METTL15: variants seen among roughly 807,000 people sequenced by gnomAD.
METTL15 encodes methyltransferase 15, mitochondrial 12S rRNA N4-cytidine.
METTL15 carries 34 observed loss-of-function variants against 38.3 expected under a neutral mutation model. The observed-to-expected ratio is 0.89, with a 90% CI of 0.68 to 1.18. The LOEUF is 1.18. Ranked by LOEUF, METTL15 falls within the 50% of genes most tolerant of loss-of-function variation. The pLI is 0.00. For synonymous variants in METTL15, 162 were observed against 170.9 expected (o/e 0.95, Z 0.41); for missense variants, 438 against 498.4 (o/e 0.88, Z 1.15).
chr11:28,119,987 T>A (rs1322476230), intron 3 of METTL15, among the ~76,000 whole-genome samples: 1 of 152,212 alleles, frequency 6.6e-6, no homozygotes, highest in East Asian at 1.9e-4. Context: ...AGTCTCACTC[T>A]GTCGCCCAGG....
intron 4 of METTL15, among the ~76,000 whole-genome samples, chr11:28,255,062 A>G (rs1262508316): frequency 1.3e-5 from 2 of 152,114 alleles, no homozygotes; most frequent in African/African-American, 4.8e-5. Flanking sequence ...TGGGTACTGT[A>G]GGCATTTTAA....
At chr11:28,371,152 T>A (rs1477646954) in intron 5 of METTL15, among the ~76,000 whole-genome samples, 2 of 152,042 alleles carry the variant, frequency 1.3e-5, no homozygotes, top group African/African-American at 2.4e-5. Flanking sequence ...GTTTCCCCAA[T>A]GTTTTCTTCT....
At chr11:28,367,955 A>C (rs1310339380) in intron 5 of METTL15, among the ~76,000 whole-genome samples, 1 of 152,128 alleles carries the variant, frequency 6.6e-6, no homozygotes, top group Non-Finnish European at 1.5e-5. Context: ...AAGATGGATC[A>C]AAGACTTAAA....
chr11:28,453,688 T>C (rs919140483), intron 6 of METTL15, among the ~76,000 whole-genome samples: 3 of 152,220 alleles, frequency 2.0e-5, no homozygotes, highest in African/African-American at 7.2e-5. Flanking sequence ...ACAAGATGGC[T>C]TTTGGATCTC....
At chr11:28,522,308 T>C (rs1851771483) in intron 6 of METTL15, among the ~76,000 whole-genome samples, 1 of 152,212 alleles carries the variant, frequency 6.6e-6, no homozygotes, top group South Asian at 2.1e-4. Context: ...TTTGAAGGAA[T>C]TGATTGACAT....
chr11:28,140,108 T>C (rs1416225982), intron 3 of METTL15, among the ~76,000 whole-genome samples: 2 of 152,208 alleles, frequency 1.3e-5, no homozygotes, highest in Admixed American at 6.5e-5. Context: ...CTTGCCTTTC[T>C]GTTCCGAGCG....
At chr11:28,328,025 T>C (rs1228968867) in intron 6 of METTL15, 6 of 1,485,580 alleles carry the variant, frequency 4.0e-6, no homozygotes, top group South Asian at 1.3e-5. Flanking sequence ...GCAGTTCTTA[T>C]TGATTTATGT....
chr11:28,465,379 ATAT>A (rs1443108070), intron 6 of METTL15, among the ~76,000 whole-genome samples: 1 of 151,928 alleles, frequency 6.6e-6, no homozygotes, highest in Non-Finnish European at 1.5e-5. Flanking sequence ...TTCCTGAGCA[ATAT>A]TATTACCTTT....
intron 4 of METTL15, among the ~76,000 whole-genome samples, chr11:28,242,294 C>G (rs554576960): frequency 6.6e-5 from 10 of 152,254 alleles, no homozygotes; most frequent in South Asian, 4.1e-4. Flanking sequence ...CATCTCTACT[C>G]TGGAATATGA....
chr11:28,378,490 G>A (rs1256617361), intron 5 of METTL15, among the ~76,000 whole-genome samples: 3 of 152,216 alleles, frequency 2.0e-5, no homozygotes, highest in Non-Finnish European at 4.4e-5. Context: ...TCCCAAGTGA[G>A]GCAATGCCTC....
At chr11:28,320,785 C>T (rs1397735944) in intron 6 of METTL15, among the ~76,000 whole-genome samples, 3 of 152,032 alleles carry the variant, frequency 2.0e-5, no homozygotes, top group Non-Finnish European at 4.4e-5. Flanking sequence ...AATTTGGTCT[C>T]TTAAAATCCT....
At chr11:28,222,070 T>G (rs1853255930) in intron 4 of METTL15, among the ~76,000 whole-genome samples, 1 of 152,184 alleles carries the variant, frequency 6.6e-6, no homozygotes, top group South Asian at 2.1e-4. Context: ...ACCACTACTG[T>G]CTTCCAAGCT....
At chr11:28,509,800 T>C (rs1851659674) in intron 6 of METTL15, among the ~76,000 whole-genome samples, 1 of 152,342 alleles carries the variant, frequency 6.6e-6, no homozygotes, top group African/African-American at 2.4e-5. Flanking sequence ...GAGTGTGTTA[T>C]GGGGAGCTCA....
chr11:28,175,138 C>T (rs944665319), intron 3 of METTL15, among the ~76,000 whole-genome samples: 2 of 151,808 alleles, frequency 1.3e-5, no homozygotes, highest in Non-Finnish European at 2.9e-5. Flanking sequence ...TGATGTTCCC[C>T]TTCCTGTGTC....
chr11:28,335,229 AG>A (rs1260503726), downstream of METTL15, among the ~76,000 whole-genome samples: 1 of 152,154 alleles, frequency 6.6e-6, no homozygotes, highest in Non-Finnish European at 1.5e-5. Flanking sequence ...CACAAGGAAA[AG>A]TCTTATTATT....
intron 5 of METTL15, among the ~76,000 whole-genome samples, chr11:28,392,703 G>A (rs1041267898): frequency 6.6e-6 from 1 of 152,054 alleles, no homozygotes; most frequent in Non-Finnish European, 1.5e-5. Flanking sequence ...GGAAACAACA[G>A]AGTGAAAAGG....
chr11:28,262,537 A>G (rs1855250275), intron 4 of METTL15, among the ~76,000 whole-genome samples: 1 of 152,010 alleles, frequency 6.6e-6, no homozygotes, highest in African/African-American at 2.4e-5. Flanking sequence ...GCTAGGGTGA[A>G]AAAATATTGT....
chr11:28,380,468 G>T (rs1469537713), intron 5 of METTL15, among the ~76,000 whole-genome samples: 5 of 152,100 alleles, frequency 3.3e-5, no homozygotes, highest in Non-Finnish European at 2.9e-5. Flanking sequence ...AGTCAATTTA[G>T]ATTCATTGTT....
chr11:28,506,893 T>C (rs7944588), intron 6 of METTL15, among the ~76,000 whole-genome samples: 67,819 of 151,120 alleles, frequency 0.45, 15,710 homozygotes, highest in Admixed American at 0.54. Context: ...TACAGGCATG[T>C]GCCACCATGC....
Sources: allele counts gnomAD v4.1 joint callset (sites outside exome capture counted in the v4.1 genomes callset), GRCh38; gene constraint gnomAD v4.1.1; transcripts MANE v1.5; gene names NCBI Gene and HGNC (gene_info 2026-07-23, HGNC 2026-07-21).